Variants in KIF12 observed in about 807,000 individuals in gnomAD.
KIF12 encodes the protein kinesin-like protein KIF12.
KIF12 carries 80 observed loss-of-function variants against 87.9 expected under a neutral mutation model. That is an observed-to-expected ratio of 0.91 (90% CI 0.76 to 1.10). The LOEUF (loss-of-function observed/expected upper bound fraction) is 1.10. Ranked by LOEUF, KIF12 falls within the 50% of genes least tolerant of loss-of-function variation. The probability of loss-of-function intolerance (pLI) is 0.00; values close to 1 mark genes in which losing one functional copy is unlikely to be tolerated. For missense variants in KIF12, 819 were observed against 865.3 expected, an observed-to-expected ratio of 0.95 and a Z score of 0.67; for synonymous variants, 353 against 348.5, an observed-to-expected ratio of 1.01 and a Z score of -0.14.
rs1334023648 is a variant in KIF12, at chr9:114,098,995, C to T, written c.111G>A (p.Ala37=). The change falls in exon 3 of 19, where the codon GCG becomes GCA. Residue 37 remains alanine (A), a synonymous_variant. Transcript: ENST00000640217. ...TCTGCTGCCCTCGACGCAGCTCGGCCGCGCTCATGGGACGTACCCTGGGGT... is the reference window on the plus strand; with the variant it reads ...TCTGCTGCCCTCGACGCAGCTCGGCTGCGCTCATGGGACGTACCCTGGGGT... The part of the protein sequence containing the change: ...QVVLRVRPMS[A]AELRRGQQSV... 1.9e-6 allele frequency: 3 copies of T among 1,550,304 alleles called. No individual in the cohort carries two copies. Among genetic ancestry groups the T allele is most frequent in the East Asian group, 4.9e-5 (2 of 40,882 alleles).
intron 18 of KIF12, 98 bp from the exon 19 acceptor site, chr9:114,092,098 A>G: frequency 8.2e-6 from 12 of 1,466,156 alleles, no homozygotes; most frequent in Non-Finnish European, 1.1e-5. Flanking sequence ...CTCAGGGGGT[A>G]GGTACCCTCC....
chr9:114,098,524 A>ACCGT (rs1847341528), intron 3 of KIF12, 95 bp from the exon 4 acceptor site: 1 of 492,474 alleles, frequency 2.0e-6, no homozygotes, highest in African/African-American at 4.1e-5. Flanking sequence ...GGCACGCGGG[A>ACCGT]GGAGGGCGGG....
rs912094102 is a variant in KIF12, at chr9:114,093,594, C to G, written c.1401-97G>C. ...CCAGCTAATACTCCTGGATCCCGTA[C>G]CAGGTACCGGGCCCCATTCTCAAAG... On this transcript the variant is annotated intron_variant, in intron 14 of 18. Coordinates refer to ENST00000640217, the MANE Select transcript of KIF12 (RefSeq NM_001388308.1). 4 of 1,020,492 alleles carry G rather than the reference C, an allele frequency of 3.9e-6. No homozygotes were observed. The South Asian group carries it at 4.2e-5, about 11-fold the overall frequency. The allele number at this position is 1,020,492 out of a possible 1,614,324, so 63.2% of individuals were successfully genotyped here.
In KIF12 at chr9:114,093,321, G is replaced by A. The variant is rs932201574; in HGVS notation, c.1504C>T (p.Leu502Phe). 1.3e-6 allele frequency: 2 copies of A among 1,558,938 alleles called. No individual in the cohort carries two copies. Among genetic ancestry groups the A allele is most frequent in the Non-Finnish European group, 1.7e-6 (2 of 1,150,858 alleles). Residue 502 changes from leucine (L) to phenylalanine (F), a missense_variant, in exon 16 of 19, where the codon CTC (leucine) becomes TTC (phenylalanine). Physicochemically the swap from Leu to Phe is conservative, Grantham distance 22. Transcript: ENST00000640217. Reference protein sequence around the residue: ...PAPPCHALPPLYSCPCCHICP... With the variant: ...PAPPCHALPPFYSCPCCHICP... ...ATGTGGCAGCAGGGGCAGGAGTAGA[G>A]GGGTGGCAGTGCCTGCAAAAAGGTG... is the stretch of plus-strand genomic sequence containing the variant.
chr9:114,097,739 C>G lies in KIF12; in HGVS notation c.378G>C (p.Gly126=). ...TYTLTGPPPQ[G]EGVPVPPSLA... The stretch of plus-strand genomic sequence containing the variant: ...GGCTGGGGGGTACAGGCACCCCCTC[C>G]CCCTAGGGGCAAAACCAGCTGAGCC... Residue 126 remains glycine (G), a splice_region_variant and synonymous_variant, in exon 6 of 19, where the codon GGG becomes GGC. Coordinates refer to ENST00000640217, the MANE Select transcript of KIF12 (RefSeq NM_001388308.1). The G allele has an allele frequency of 1.9e-6, 3 of 1,612,974 alleles. No individual in the cohort carries two copies. The South Asian group carries it at 3.3e-5, about 18-fold the overall frequency.
At position 114,094,352 on chromosome 9, in the gene KIF12, C is replaced by A. The variant is rs1847120220; in HGVS notation, c.1222+1G>T. The A allele has an allele frequency of 1.2e-6, 2 of 1,613,124 alleles. No individual in the cohort carries two copies. Among genetic ancestry groups the A allele is most frequent in the East Asian group, 2.2e-5 (1 of 44,868 alleles). ...CTACTCTGCCTCCAGGAAGCCCATA[C>A]CCTTGCAGTCCATTTGGTCCAGCTG... On this transcript the variant is annotated splice_donor_variant, in intron 12 of 18. Coordinates refer to ENST00000640217, the MANE Select transcript of KIF12 (RefSeq NM_001388308.1). LOFTEE classifies it high-confidence loss of function.
intron 18 of KIF12, 100 bp downstream of exon 18, chr9:114,092,233 C>G: frequency 6.7e-7 from 1 of 1,484,898 alleles, no homozygotes. Context: ...CCTCTCAACA[C>G]CCACCCCATT....
At chr9:114,094,101 G>A (rs1847104460) in intron 13 of KIF12, 80 bp downstream of exon 13, 15 of 1,478,240 alleles carry the variant, frequency 1.0e-5, no homozygotes, top group Non-Finnish European at 1.3e-5. Context: ...CAGGGGCAGG[G>A]AGAGGAGGCA....
In KIF12 at chr9:114,095,049, C is replaced by A; in HGVS notation, c.1093G>T (p.Val365Phe). 1 of 1,605,934 alleles carries A rather than the reference C, an allele frequency of 6.2e-7. No individual in the cohort carries two copies. Among genetic ancestry groups the A allele is most frequent in the African/African-American group, 1.3e-5 (1 of 74,946 alleles). Residue 365 changes from valine to phenylalanine, a missense_variant, in exon 11 of 19, where the codon GTC becomes TTC. Physicochemically the swap from Val to Phe is conservative, Grantham distance 50. Transcript: ENST00000640217. ...TTGGGGGCCTGTGGTCGGGTGGTGA[C>A]CCGCTGAGCTCGGCTTGCATATCGC... is the stretch of plus-strand genomic sequence containing the variant. Reference protein sequence around the residue: ...TLRYASRAQRVTTRPQAPKSP... With the variant: ...TLRYASRAQRFTTRPQAPKSP...
intron 18 of KIF12, 76 bp downstream of exon 18, chr9:114,092,257 T>G (rs2134874781): frequency 6.7e-7 from 1 of 1,486,876 alleles, no homozygotes; most frequent in East Asian, 2.3e-5. Context: ...GAGATAAGAC[T>G]GAGGCCTGGA....
In KIF12 at chr9:114,099,179, G is replaced by A. The variant is rs772536067; in HGVS notation, c.27-10C>T. The A allele has an allele frequency of 1.3e-6, 2 of 1,549,882 alleles. No individual in the cohort carries two copies. Among genetic ancestry groups the A allele is most frequent in the African/African-American group, 1.4e-5 (1 of 72,122 alleles). ...GCTCCGCGCGAGATCCCTGTGGGCA[G>A]CAATGCGACTTATCATACCTGCACC... On this transcript the variant is annotated splice_polypyrimidine_tract_variant and intron_variant, in intron 1 of 18. Transcript: ENST00000640217.
At chr9:114,098,804 C>A in intron 3 of KIF12, 131 bp downstream of exon 3, 1 of 903,010 alleles carries the variant, frequency 1.1e-6, no homozygotes, top group East Asian at 3.1e-5. Context: ...GAGGGGCACT[C>A]TGGGGAGGGC....
chr9:114,092,526 C>T lies in KIF12; in HGVS notation c.1697+16G>A. ...GACCACCCCTCTCTGACCTCAGTGC[C>T]CCAGGAGAGACCCACCTCTCTCTTG... On this transcript the variant is annotated intron_variant, in intron 17 of 18. Transcript: ENST00000640217. 6.2e-7 allele frequency: 1 copy of T among 1,613,074 alleles called. No homozygotes were observed. Among genetic ancestry groups the T allele is most frequent in the Non-Finnish European group, 8.5e-7 (1 of 1,179,846 alleles).
Position 114,096,466 on chromosome 9 carries a change from C to T in KIF12, c.659G>A (p.Arg220Gln), listed in dbSNP as rs752967226. ...GTTCAGGGTGTGGGCTGAGTTCCTT[C>T]GACGGCTGAGACCTGGAAGGGAAAA... ...MELLQTGLSR[R>Q]RNSAHTLNQA... The change falls in exon 8 of 19, where the codon CGA (arginine) becomes CAA (glutamine). Residue 220 changes from arginine (R) to glutamine (Q), a missense_variant. Physicochemically the swap from Arg to Gln is conservative, Grantham distance 43. Coordinates refer to ENST00000640217, the MANE Select transcript of KIF12 (RefSeq NM_001388308.1). 9 of 1,610,246 alleles carry T rather than the reference C, an allele frequency of 5.6e-6. No individual in the cohort carries two copies. In the East Asian group the frequency reaches 6.7e-5, roughly 12 times the overall value.
At position 114,096,448 on chromosome 9, in the gene KIF12, G is replaced by GT. The variant is rs757914815; in HGVS notation, c.676dup (p.Thr226AsnfsTer48). On this transcript the variant is annotated frameshift_variant, in exon 8 of 19. Coordinates refer to ENST00000640217, the MANE Select transcript of KIF12 (RefSeq NM_001388308.1). LOFTEE classifies it high-confidence loss of function. ...GCTTCGGCTGGAGGCCTGGTTCAGG[G>GT]TGTGGGCTGAGTTCCTTCGACGGCT... 6.2e-7 allele frequency: 1 copy of GT among 1,612,560 alleles called. No homozygotes were observed. Among genetic ancestry groups the GT allele is most frequent in the African/African-American group, 1.3e-5 (1 of 74,918 alleles).
chr9:114,097,447 A>C lies in KIF12; in HGVS notation c.511-11T>G. On this transcript the variant is annotated splice_polypyrimidine_tract_variant and intron_variant, in intron 6 of 18. Coordinates refer to ENST00000640217, the MANE Select transcript of KIF12 (RefSeq NM_001388308.1). Reference sequence around the variant, plus strand: ...CAGCAAGTCCCGAACCTGGGAGGGGAGGGAGGAGGGTGAGGGAAGGGGATC... The same window carrying C: ...CAGCAAGTCCCGAACCTGGGAGGGGCGGGAGGAGGGTGAGGGAAGGGGATC... 6.3e-7 allele frequency: 1 copy of C among 1,585,604 alleles called. No homozygotes were observed. Among genetic ancestry groups the C allele is most frequent in the South Asian group, 1.1e-5 (1 of 87,414 alleles).
rs1847039624 is a variant in KIF12, at chr9:114,092,589, G to A, written c.1650C>T (p.Pro550=). The A allele has an allele frequency of 1.2e-6, 2 of 1,606,668 alleles. No homozygotes were observed. The highest frequency in any genetic ancestry group is 1.7e-6 in the Non-Finnish European group (2 of 1,178,158). The change falls in exon 17 of 19, where the codon CCC becomes CCT. Residue 550 remains proline, a synonymous_variant. Transcript: ENST00000640217. ...GGRPPSARPP[P]WAPPCSPGSA... ...AGCCAGGGCTGCATGGGGGTGCCCAGGGTGGGGGCCGGGCAGATGGGGGCC... is the reference window on the plus strand; with the variant it reads ...AGCCAGGGCTGCATGGGGGTGCCCAAGGTGGGGGCCGGGCAGATGGGGGCC...
chr9:114,094,357 G>A lies in KIF12; in HGVS notation c.1218C>T (p.Cys406=). Residue 406 remains cysteine (C), a synonymous_variant, in exon 12 of 19, where the codon TGC becomes TGT. Transcript: ENST00000640217. ...RLQFQLDQMD[C]KASGLSGARV... ...CTGCCTCCAGGAAGCCCATACCCTT[G>A]CAGTCCATTTGGTCCAGCTGGAACT... The A allele has an allele frequency of 6.2e-7, 1 of 1,613,164 alleles. No individual in the cohort carries two copies. Among genetic ancestry groups the A allele is most frequent in the Non-Finnish European group, 8.5e-7 (1 of 1,179,204 alleles).
At chr9:114,094,836 C>G (rs1023163053) in intron 11 of KIF12, among the ~76,000 whole-genome samples, 187 bp downstream of exon 11, 2 of 152,206 alleles carry the variant, frequency 1.3e-5, no homozygotes, top group Non-Finnish European at 2.9e-5. Flanking sequence ...CTGCCCTAAA[C>G]CTGGCATGAC....
Sources: gnomAD v4.1 joint callset for allele counts (sites outside exome capture counted in the v4.1 genomes callset) on GRCh38, gnomAD v4.1.1 for gene constraint, MANE v1.5 for transcripts, NCBI Gene and HGNC (gene_info 2026-07-23, HGNC 2026-07-21) for gene names.